FAM135A: variants seen among roughly 807,000 people sequenced by gnomAD.
FAM135A encodes the protein family with sequence similarity 135 member A.
A neutral mutation model predicts 146.8 loss-of-function variants in FAM135A; 79 were observed. The ratio of observed to expected loss-of-function variants is 0.54; its 90% CI spans 0.45 to 0.65. The LOEUF (loss-of-function observed/expected upper bound fraction) is 0.65, where lower values mean the gene tolerates loss of function less well. Among genes scored for constraint, FAM135A ranks in the 30% least tolerant of loss-of-function variants. The pLI is 0.00. For synonymous variants in FAM135A, 562 were observed against 603.6 expected (o/e 0.93, Z 1.01); for missense variants, 1,623 against 1,758.2 (o/e 0.92, Z 1.38).
intron 2 of FAM135A, among the ~76,000 whole-genome samples, chr6:70,416,180 C>A (rs1767517274): frequency 6.6e-6 from 1 of 152,154 alleles, no homozygotes; most frequent in Non-Finnish European, 1.5e-5. Context: ...CCTTGAGAAG[C>A]AGCAGTTCTA....
intron 11 of FAM135A, among the ~76,000 whole-genome samples, chr6:70,491,718 G>C (rs776924858): frequency 5.3e-5 from 8 of 151,758 alleles, no homozygotes; most frequent in Non-Finnish European, 1.0e-4. Context: ...TACATACGCA[G>C]GATACATCAG....
chr6:70,422,407 C>A (rs1376288681), intron 2 of FAM135A, among the ~76,000 whole-genome samples: 1 of 151,892 alleles, frequency 6.6e-6, no homozygotes, highest in African/African-American at 2.4e-5. Flanking sequence ...ATTTTTTCTT[C>A]TACTACAAAA....
intron 1 of FAM135A, chr6:70,414,096 C>T: frequency 1.0e-6 from 1 of 968,052 alleles, no homozygotes; most frequent in Non-Finnish European, 1.2e-6. Context: ...CATCCCGCGC[C>T]TCCCACGTGT....
chr6:70,420,552 T>C (rs1203966440), intron 2 of FAM135A, among the ~76,000 whole-genome samples: 1 of 152,152 alleles, frequency 6.6e-6, no homozygotes, highest in East Asian at 1.9e-4. Flanking sequence ...CTTAGGAACT[T>C]TGTATGGTTT....
chr6:70,457,428 A>G (rs1163319008), intron 5 of FAM135A, among the ~76,000 whole-genome samples: 1 of 152,216 alleles, frequency 6.6e-6, no homozygotes, highest in African/African-American at 2.4e-5. Flanking sequence ...CAATGTGAAT[A>G]TTGTGATATT....
intron 2 of FAM135A, among the ~76,000 whole-genome samples, chr6:70,426,215 T>C (rs1770109489): frequency 6.6e-6 from 1 of 152,188 alleles, no homozygotes; most frequent in African/African-American, 2.4e-5. Flanking sequence ...GTTATTGTAC[T>C]TTGAATTATA....
intron 11 of FAM135A, among the ~76,000 whole-genome samples, chr6:70,493,593 G>T (rs560935118): frequency 3.3e-5 from 5 of 152,132 alleles, no homozygotes; most frequent in Admixed American, 6.6e-5. Context: ...TAGTTTGGCA[G>T]TACGTATCCA....
Position 70,525,491 on chromosome 6 carries a change from T to C in FAM135A, c.2407T>C (p.Leu803=). The change falls in exon 15 of 22, where the codon TTA becomes CTA. Residue 803 remains leucine, a synonymous_variant. Coordinates refer to ENST00000418814, the MANE Select transcript of FAM135A (RefSeq NM_001162529.3). ...QGQGPCNSER[L]FPQLLMKPDY... ...GCAAGGTCCTTGCAATAGTGAAAGA[T>C]TATTTCCTCAGCTTTTGATGAAACC... is the stretch of plus-strand genomic sequence containing the variant. 1 of 1,612,324 alleles carries C rather than the reference T, an allele frequency of 6.2e-7. No homozygotes were observed. The highest frequency in any genetic ancestry group is 8.5e-7 in the Non-Finnish European group (1 of 1,179,246).
intron 20 of FAM135A, 35 bp downstream of exon 20, chr6:70,538,436 G>C: frequency 8.2e-7 from 1 of 1,213,458 alleles, no homozygotes; most frequent in Non-Finnish European, 1.1e-6. Context: ...AAATATACAT[G>C]TGAAAACTTT....
chr6:70,506,639 G>A (rs2128275546), intron 12 of FAM135A, among the ~76,000 whole-genome samples: 1 of 151,300 alleles, frequency 6.6e-6, no homozygotes, highest in Admixed American at 6.6e-5. Flanking sequence ...GTTATTTTTA[G>A]TGACCAGTAG....
At chr6:70,547,532 A>G (rs1186308584) in intron 20 of FAM135A, among the ~76,000 whole-genome samples, 1 of 152,180 alleles carries the variant, frequency 6.6e-6, no homozygotes, top group Non-Finnish European at 1.5e-5. Flanking sequence ...TAGCACATAC[A>G]CTTTTCCACC....
chr6:70,529,259 G>T (rs1795317410), intron 16 of FAM135A, among the ~76,000 whole-genome samples: 1 of 151,566 alleles, frequency 6.6e-6, no homozygotes, highest in African/African-American at 2.4e-5. Context: ...AGCTGTTTTG[G>T]TTACTCAACA....
chr6:70,556,867 A>G lies in FAM135A; in HGVS notation c.4342+4A>G. 1.2e-6 allele frequency: 2 copies of G among 1,610,742 alleles called. No homozygotes were observed. Among genetic ancestry groups the G allele is most frequent in the East Asian group, 2.2e-5 (1 of 44,856 alleles). ...GCTTTAAAGGACAAACAGTCAGGTA[A>G]TGGAATAAAATTATTTCAAAGAGTT... On this transcript the variant is annotated splice_donor_region_variant and intron_variant, in intron 21 of 21. Transcript: ENST00000418814.
At position 70,437,305 on chromosome 6, in the gene FAM135A, C is replaced by A. The variant is rs563156907; in HGVS notation, c.77+8886C>A. 3.9e-5 allele frequency among the ~76,000 whole-genome samples: 6 copies of A among 152,122 alleles called. No individual in the cohort carries two copies. The East Asian group carries it at 1.2e-3, about 29-fold the overall frequency. ...TAGATAATCAGACAGTAAGTATAGACGTTTCTTCATATTAATAAAGACCTT... is the reference window on the plus strand; with the variant it reads ...TAGATAATCAGACAGTAAGTATAGAAGTTTCTTCATATTAATAAAGACCTT... On this transcript the variant is annotated intron_variant, in intron 4 of 21. Transcript: ENST00000418814.
In FAM135A at chr6:70,525,295, T is replaced by G. The variant is rs1323529177; in HGVS notation, c.2211T>G (p.Pro737=). ...TAACTAAATTACGAAGTAATCTACC[T>G]GCCCCTTCTACAAAAGAATATCATG... ...ESLTKLRSNL[P]APSTKEYHVV... is the part of the protein sequence containing the mutation. The change falls in exon 15 of 22, where the codon CCT becomes CCG. Residue 737 remains proline, a synonymous_variant. Transcript: ENST00000418814. 1 of 1,608,022 alleles carries G rather than the reference T, an allele frequency of 6.2e-7. No homozygotes were observed. Among genetic ancestry groups the G allele is most frequent in the South Asian group, 1.1e-5 (1 of 89,632 alleles).
intron 4 of FAM135A, among the ~76,000 whole-genome samples, chr6:70,444,903 C>T (rs1775361045): frequency 6.6e-6 from 1 of 152,154 alleles, no homozygotes; most frequent in South Asian, 2.1e-4. Flanking sequence ...TCAGTGATCA[C>T]ACATTTTATG....
chr6:70,499,853 T>A (rs952247974), intron 11 of FAM135A, among the ~76,000 whole-genome samples: 4 of 152,224 alleles, frequency 2.6e-5, no homozygotes, highest in Non-Finnish European at 4.4e-5. Flanking sequence ...GTGCTATTAT[T>A]CTGCTGGGCT....
chr6:70,542,061 C>G (rs1013865197), intron 20 of FAM135A, among the ~76,000 whole-genome samples: 1 of 152,122 alleles, frequency 6.6e-6, no homozygotes, highest in Non-Finnish European at 1.5e-5. Flanking sequence ...CTCACTTCCT[C>G]GTTAGACGAA....
In FAM135A at chr6:70,526,296, A is replaced by T; in HGVS notation, c.3212A>T (p.Glu1071Val). Residue 1071 changes from glutamate to valine, a missense_variant, in exon 15 of 22, where the codon GAA becomes GTA. Glu to Val is a moderately radical substitution (Grantham distance 121). Around this residue, in one of 7 missense-constraint regions of FAM135A, gnomAD observed 1,061 missense variants for 1,113.8 expected, o/e 0.95. Coordinates refer to ENST00000418814, the MANE Select transcript of FAM135A (RefSeq NM_001162529.3). Reference protein sequence around the residue: ...NALSPQKETSEKEISNLQQEQ... With the variant: ...NALSPQKETSVKEISNLQQEQ... Reference sequence around the variant, plus strand: ...CTTAGCCCTCAGAAGGAAACTTCTGAAAAAGAAATTAGTAATCTTCAGCAG... The same window carrying T: ...CTTAGCCCTCAGAAGGAAACTTCTGTAAAAGAAATTAGTAATCTTCAGCAG... 1 of 1,613,368 alleles carries T rather than the reference A, an allele frequency of 6.2e-7. No individual in the cohort carries two copies. Among genetic ancestry groups the T allele is most frequent in the Non-Finnish European group, 8.5e-7 (1 of 1,179,612 alleles).
Sources: gnomAD v4.1 joint callset for allele counts (sites outside exome capture counted in the v4.1 genomes callset) on GRCh38, gnomAD v4.1.1 for gene constraint, gnomAD v4.1.1 regional missense constraint, MANE v1.5 for transcripts, NCBI Gene and HGNC (gene_info 2026-07-23, HGNC 2026-07-21) for gene names.